Variants in NCR1 observed in about 807,000 individuals in gnomAD.
NCR1 encodes natural cytotoxicity triggering receptor 1, also known as NK cell-activating receptor.
A neutral mutation model predicts 32.5 loss-of-function variants in NCR1; 30 were observed. That is an observed-to-expected ratio of 0.92 (90% confidence interval 0.69 to 1.25). The LOEUF (loss-of-function observed/expected upper bound fraction) is 1.25, where lower values mean the gene tolerates loss of function less well. Ranked by LOEUF, NCR1 falls within the 50% of genes most tolerant of loss-of-function variation. NCR1 has a pLI of 0.00. For missense variants in NCR1, 369 were observed against 380.7 expected (o/e 0.97, Z 0.26); for synonymous variants, 169 against 143.4 (o/e 1.18, Z -1.28).
At chr19:54,920,241 A>C (rs1209815442), downstream of NCR1, among the ~76,000 whole-genome samples, 9 of 152,114 alleles carry the variant, frequency 5.9e-5, no homozygotes, top group Admixed American at 5.9e-4. Context: ...GCCATTCTTA[A>C]CTGGGGGTGA....
At chr19:54,926,785 G>A in the NCR1 span, among the ~76,000 whole-genome samples, 2 of 151,654 alleles carry the variant, frequency 1.3e-5, no homozygotes, top group South Asian at 2.1e-4. Flanking sequence ...GTGTGGTGGC[G>A]AGCGACTGTA....
chr19:54,912,734 G>T lies in NCR1; in HGVS notation c.778G>T (p.Gly260Cys). ...CACTGCCCAGAATCTCCTTCGGATGGGCCTGGCCTTTCTAGTCCTGGTGGC... is the reference window on the plus strand; with the variant it reads ...CACTGCCCAGAATCTCCTTCGGATGTGCCTGGCCTTTCTAGTCCTGGTGGC... ...DHTAQNLLRM[G>C]LAFLVLVALV... The change falls in exon 7 of 7, where the codon GGC becomes TGC. Residue 260 changes from glycine to cysteine, a missense_variant. Physicochemically the swap from Gly to Cys is radical, Grantham distance 159 (BLOSUM62 -3). Transcript: ENST00000291890. 1 of 1,613,914 alleles carries T rather than the reference G, an allele frequency of 6.2e-7. No individual in the cohort carries two copies. Among genetic ancestry groups the T allele is most frequent in the Non-Finnish European group, 8.5e-7 (1 of 1,179,996 alleles).
At chr19:54,928,175 G>A in the NCR1 span, among the ~76,000 whole-genome samples, 12 of 152,176 alleles carry the variant, frequency 7.9e-5, no homozygotes, top group Admixed American at 5.9e-4. Flanking sequence ...AGCCCAGATT[G>A]CGCCACTGCA....
chr19:54,912,586 T>A, intron 6 of NCR1, 104 bp from the exon 7 acceptor site: 1 of 894,508 alleles, frequency 1.1e-6, no homozygotes, highest in Non-Finnish European at 1.6e-6. Flanking sequence ...GCGACAAGAC[T>A]GAGGCTCTGT....
At chr19:54,918,364 G>A (rs2068176878), downstream of NCR1, among the ~76,000 whole-genome samples, 3 of 151,982 alleles carry the variant, frequency 2.0e-5, no homozygotes, top group African/African-American at 7.2e-5. Context: ...CGCCTCCCGG[G>A]TTCAAGCGAT....
chr19:54,920,889 TGAGGTCAG>T (rs1489718313), downstream of NCR1, among the ~76,000 whole-genome samples: 5 of 152,050 alleles, frequency 3.3e-5, no homozygotes, highest in African/African-American at 1.2e-4. Flanking sequence ...GTGGCTCACC[TGAGGTCAG>T]GAGTTTGAGA....
At chr19:54,933,451 TG>T in the NCR1 span, 48 of 1,334,804 alleles carry the variant, frequency 3.6e-5, no homozygotes, top group African/African-American at 6.1e-4. Context: ...GGCCTCTGCC[TG>T]TTCTTTAATT....
At chr19:54,933,538 G>T in the NCR1 span, 1 of 1,587,236 alleles carries the variant, frequency 6.3e-7, no homozygotes. Flanking sequence ...GAATTCATGT[G>T]CACACACACA....
the NCR1 span, among the ~76,000 whole-genome samples, chr19:54,931,549 G>A: frequency 1.9e-3 from 288 of 152,234 alleles, 1 homozygote; most frequent in African/African-American, 6.7e-3. Flanking sequence ...TTAGCCAGGT[G>A]TGGTGGCACA....
At chr19:54,912,136 C>A (rs1341600750) in intron 5 of NCR1, 32 bp from the exon 6 acceptor site, 2 of 1,605,388 alleles carry the variant, frequency 1.2e-6, no homozygotes, top group Non-Finnish European at 1.7e-6. Flanking sequence ...AGGTCAAAAC[C>A]ATCCTCTTTT....
At chr19:54,918,178 C>T (rs550833616), downstream of NCR1, among the ~76,000 whole-genome samples, 6 of 152,154 alleles carry the variant, frequency 3.9e-5, no homozygotes, top group African/African-American at 1.2e-4. Context: ...GTGATCCTCC[C>T]GCCTCGGCCT....
At chr19:54,902,298 AC>A (rs2067314078), upstream of NCR1, among the ~76,000 whole-genome samples, 1 of 151,586 alleles carries the variant, frequency 6.6e-6, no homozygotes, top group Non-Finnish European at 1.5e-5. Flanking sequence ...TGAAGAAATT[AC>A]AGATTTTTTT....
At chr19:54,909,910 G>A in intron 4 of NCR1, 108 bp from the exon 5 acceptor site, 4 of 1,000,498 alleles carry the variant, frequency 4.0e-6, no homozygotes, top group South Asian at 1.5e-5. Context: ...ACTGCAACCT[G>A]GGCGACAGAG....
rs111640347 is a variant in NCR1 at position 54,911,946 on chromosome 19, G to A, written c.683-222G>A. On this transcript the variant is annotated intron_variant, in intron 5 of 6. Coordinates refer to ENST00000291890, the MANE Select transcript of NCR1 (RefSeq NM_004829.7). ...AAAAAAAAAAATAGAAGACATGACTGGTGCAAAGACACATGCTCACAAGTG... is the reference window on the plus strand; with the variant it reads ...AAAAAAAAAAATAGAAGACATGACTAGTGCAAAGACACATGCTCACAAGTG... 3.2e-3 allele frequency among the ~76,000 whole-genome samples: 483 copies of A among 151,996 alleles called. 3 individuals carry two copies. The highest frequency in any genetic ancestry group is 0.011 in the African/African-American group (451 of 41,450).
chr19:54,899,040 T>TGGGACTGAC, the NCR1 span, among the ~76,000 whole-genome samples: 2 of 152,144 alleles, frequency 1.3e-5, no homozygotes, highest in Admixed American at 6.6e-5. Flanking sequence ...TGCTTGGGGT[T>TGGGACTGAC]GGGACTGACG....
At chr19:54,904,869 G>T (rs2067478504), upstream of NCR1, among the ~76,000 whole-genome samples, 1 of 152,104 alleles carries the variant, frequency 6.6e-6, no homozygotes, top group South Asian at 2.1e-4. Context: ...ACTCGCTTAG[G>T]ATAATGGCCT....
the NCR1 span, among the ~76,000 whole-genome samples, chr19:54,935,229 A>T: frequency 0.33 from 10,931 of 32,930 alleles, 718 homozygotes; most frequent in South Asian, 0.55. Flanking sequence ...TGCAGGGGGG[A>T]AAAAAAAATT....
chr19:54,916,317 CTT>C (rs71181711), downstream of NCR1, among the ~76,000 whole-genome samples: 4 of 87,104 alleles, frequency 4.6e-5, no homozygotes, highest in South Asian at 3.9e-4. Flanking sequence ...GAATATTGTG[CTT>C]TTTTTTTTTT....
downstream of NCR1, among the ~76,000 whole-genome samples, chr19:54,915,138 C>T (rs574746411): frequency 1.3e-4 from 20 of 152,230 alleles, no homozygotes; most frequent in Non-Finnish European, 2.6e-4. Flanking sequence ...CTGCCTCTAC[C>T]GTGAACTCGT....
Sources: allele counts gnomAD v4.1 joint callset (sites outside exome capture counted in the v4.1 genomes callset), GRCh38; gene constraint gnomAD v4.1.1; transcripts MANE v1.5; gene names NCBI Gene and HGNC (gene_info 2026-07-23, HGNC 2026-07-21).